MEFV: variants seen among roughly 807,000 people sequenced by gnomAD.
The protein encoded by MEFV is pyrin.
Under a neutral mutation model 62.5 loss-of-function variants are expected in MEFV, and 60 were observed. That is an observed-to-expected ratio of 0.96 (90% CI 0.78 to 1.19). The LOEUF is 1.19. Among genes scored for constraint, MEFV ranks in the 50% most tolerant of loss-of-function variants. MEFV has a pLI of 0.00. For missense variants in MEFV, 1,169 were observed against 1,004.5 expected (o/e 1.16, Z -2.21); for synonymous variants, 500 against 415.2 (o/e 1.20, Z -2.48).
At chr16:3,252,783 C>CAAAAAAAAAAAAAAAAAA (rs376447807) in intron 2 of MEFV, among the ~76,000 whole-genome samples, 1 of 122,476 alleles carries the variant, frequency 8.2e-6, no homozygotes. Flanking sequence ...ACAAAAAATA[C>CAAAAAAAAAAAAAAAAAA]AAAAAAAAAA....
In MEFV at chr16:3,249,468, C is replaced by G; in HGVS notation, c.1223G>C (p.Arg408Pro). ...GGCGACCTCCTCAATGGGGCGCACC[C>G]GGTGGCCTTGGTGCTCCTGACTCAG... ...CSLSQEHQGH[R>P]VRPIEEVALE... The change falls in exon 3 of 10, where the codon CGG becomes CCG. Residue 408 changes from arginine (R) to proline (P), a missense_variant. Physicochemically the swap from Arg to Pro is moderately radical, Grantham distance 103. Transcript: ENST00000219596. 1 of 1,614,056 alleles carries G rather than the reference C, an allele frequency of 6.2e-7. No homozygotes were observed. Among genetic ancestry groups the G allele is most frequent in the Non-Finnish European group, 8.5e-7 (1 of 1,180,026 alleles).
At position 3,254,630 on chromosome 16, in the gene MEFV, C is replaced by T. The variant is rs770111364; in HGVS notation, c.438G>A (p.Gln146=). The change falls in exon 2 of 10, where the codon CAG becomes CAA. Residue 146 remains glutamine (Q), a synonymous_variant. Coordinates refer to ENST00000219596, the MANE Select transcript of MEFV (RefSeq NM_000243.3). Reference sequence around the variant, plus strand: ...TCGACAGCCCCCTCCCGGCCTCGGGCTGGCTGCACCGCAGGCTGGCAGCTC... The same window carrying T: ...TCGACAGCCCCCTCCCGGCCTCGGGTTGGCTGCACCGCAGGCTGGCAGCTC... ...GGGAASLRCS[Q]PEAGRGLSRK... 1.1e-5 allele frequency: 18 copies of T among 1,605,808 alleles called. No individual in the cohort carries two copies. Among genetic ancestry groups the T allele is most frequent in the Non-Finnish European group, 1.3e-5 (15 of 1,177,616 alleles).
rs576560114 is a variant in MEFV at position 3,247,254 on chromosome 16, G to A, written c.1357-8C>T. 4 of 1,613,656 alleles carry A rather than the reference G, an allele frequency of 2.5e-6. No individual in the cohort carries two copies. The African/African-American group carries it at 4.0e-5, about 16-fold the overall frequency. The stretch of plus-strand genomic sequence containing the variant: ...CAGCGCTTCAGTTTGTTTCTGGGGA[G>A]CAGAGGACAGGGAGGTATGGGGGTC... On this transcript the variant is annotated splice_polypyrimidine_tract_variant and splice_region_variant and intron_variant, in intron 4 of 9. Transcript: ENST00000219596.
At chr16:3,252,049 T>C (rs1959041818) in intron 2 of MEFV, 2 of 280,816 alleles carry the variant, frequency 7.1e-6, no homozygotes, top group South Asian at 2.3e-5. Context: ...AGACCCCATA[T>C]CTAAAAAAAA....
chr16:3,256,350 G>T lies in MEFV; in HGVS notation c.238C>A (p.Arg80Ser). Reference sequence around the variant, plus strand: ...CTGTGGAGCTCCTCGGCCAGCAGGCGCTGGTTGATGGCCCGCAGGACCTGC... The same window carrying T: ...CTGTGGAGCTCCTCGGCCAGCAGGCTCTGGTTGATGGCCCGCAGGACCTGC... The part of the protein sequence containing the change: ...TLQVLRAINQ[R>S]LLAEELHRAA... The change falls in exon 1 of 10, where the codon CGC becomes AGC. Residue 80 changes from arginine (R) to serine (S), a missense_variant. Physicochemically the swap from Arg to Ser is moderately radical, Grantham distance 110 (BLOSUM62 -1). Coordinates refer to ENST00000219596, the MANE Select transcript of MEFV (RefSeq NM_000243.3). The T allele has an allele frequency of 1.9e-6, 3 of 1,613,966 alleles. No homozygotes were observed. Among genetic ancestry groups the T allele is most frequent in the Non-Finnish European group, 2.5e-6 (3 of 1,180,028 alleles).
chr16:3,250,206 A>G (rs570312036), intron 2 of MEFV, among the ~76,000 whole-genome samples: 1 of 152,316 alleles, frequency 6.6e-6, no homozygotes, highest in South Asian at 2.1e-4. Context: ...TCCTAGCTGG[A>G]TCCCAGCCCC....
intron 6 of MEFV, among the ~76,000 whole-genome samples, chr16:3,244,939 C>T (rs953328780): frequency 6.6e-6 from 1 of 152,012 alleles, no homozygotes; most frequent in African/African-American, 2.4e-5. Context: ...AAAACACACA[C>T]AACAAAATAT....
chr16:3,243,808 G>C lies in MEFV; in HGVS notation c.1792+52C>G, dbSNP rs11466046. 2,046 of 1,608,800 alleles carry C rather than the reference G, an allele frequency of 1.3e-3. 15 individuals are homozygous for C. The African/African-American group carries it at 0.022, about 17-fold the overall frequency. ...AGTTCTTCTGGAACGTGGTAGGGGA[G>C]AGCACAGGGATCCAGCAGGCCAGGG... On this transcript the variant is annotated intron_variant, in intron 9 of 9. Coordinates refer to ENST00000219596, the MANE Select transcript of MEFV (RefSeq NM_000243.3).
rs754927308 is a variant in MEFV at position 3,244,294 on chromosome 16, G to A, written c.1727-8C>T. 3.7e-6 allele frequency: 6 copies of A among 1,614,086 alleles called. No individual in the cohort carries two copies. On this transcript the variant is annotated splice_region_variant and splice_polypyrimidine_tract_variant and intron_variant, in intron 7 of 9. Transcript: ENST00000219596. ...TTTCTGAACGCAGGGTTTCTAAAATGTGGGAAAGGGAGCAGAGAGAAGCTG... is the reference window on the plus strand; with the variant it reads ...TTTCTGAACGCAGGGTTTCTAAAATATGGGAAAGGGAGCAGAGAGAAGCTG...
At chr16:3,254,879 A>G in intron 1 of MEFV, 89 bp from the exon 2 acceptor site, 1 of 1,593,318 alleles carries the variant, frequency 6.3e-7, no homozygotes, top group Middle Eastern at 1.8e-4. Flanking sequence ...CCCCTTGGAT[A>G]TTAAAGTTTA....
chr16:3,244,633 G>C, intron 6 of MEFV, 45 bp from the exon 7 acceptor site: 1 of 1,433,874 alleles, frequency 7.0e-7, no homozygotes, highest in Non-Finnish European at 9.8e-7. Flanking sequence ...GAGCGAGGGG[G>C]TGGCCCAAGT....
chr16:3,247,145 G>C lies in MEFV; in HGVS notation c.1458C>G (p.Asp486Glu), dbSNP rs147767925. The C allele has an allele frequency of 6.2e-7, 1 of 1,614,164 alleles. No homozygotes were observed. The highest frequency in any genetic ancestry group is 1.1e-5 in the South Asian group (1 of 91,088). ...TGATCTGCCCAACCATCTGGCCCACGTCCTCCAGTGAGGCCACAAAGAAAT... is the reference window on the plus strand; with the variant it reads ...TGATCTGCCCAACCATCTGGCCCACCTCCTCCAGTGAGGCCACAAAGAAAT... ...QEHFFVASLE[D>E]VGQMVGQIRK... Residue 486 changes from aspartate (D) to glutamate (E), a missense_variant, in exon 5 of 10, where the codon GAC becomes GAG. Physicochemically the swap from Asp to Glu is conservative, Grantham distance 45. Transcript: ENST00000219596.
In MEFV at chr16:3,243,629, C is replaced by G; in HGVS notation, c.1858G>C (p.Val620Leu). 1 of 1,599,840 alleles carries G rather than the reference C, an allele frequency of 6.3e-7. No homozygotes were observed. The highest frequency in any genetic ancestry group is 1.1e-5 in the South Asian group (1 of 89,064). ...NLIFSDDLKS[V>L]RLGNKWERLP... ...CTCTCCCACTTGTTTCCAAGTCTAACACTCTTCAGATCATCAGAGAAGATG... is the reference window on the plus strand; with the variant it reads ...CTCTCCCACTTGTTTCCAAGTCTAAGACTCTTCAGATCATCAGAGAAGATG... The change falls in exon 10 of 10, where the codon GTT becomes CTT. Residue 620 changes from valine (V) to leucine (L), a missense_variant. By Grantham distance (32) the Val-to-Leu change is conservative (BLOSUM62 1). Transcript: ENST00000219596.
chr16:3,250,243 A>T lies in MEFV; in HGVS notation c.911-463T>A, dbSNP rs567145972. 1.4e-4 allele frequency among the ~76,000 whole-genome samples: 21 copies of T among 152,352 alleles called. No homozygotes were observed. In the East Asian group the frequency reaches 3.9e-3, roughly 28 times the overall value. ...AGCAGAGTACCTGGCAAATGCAAGCATTTGGAAAATGAGTATTGAATGAAG... is the reference window on the plus strand; with the variant it reads ...AGCAGAGTACCTGGCAAATGCAAGCTTTTGGAAAATGAGTATTGAATGAAG... On this transcript the variant is annotated intron_variant, in intron 2 of 9. Coordinates refer to ENST00000219596, the MANE Select transcript of MEFV (RefSeq NM_000243.3).
At chr16:3,247,536 G>T (rs1478907981) in intron 4 of MEFV, 11 of 413,832 alleles carry the variant, frequency 2.7e-5, no homozygotes, top group Non-Finnish European at 4.6e-5. Flanking sequence ...CTCAGCATGT[G>T]ATCTTATTTG....
intron 4 of MEFV, chr16:3,247,505 T>C (rs995840678): frequency 7.7e-5 from 41 of 531,634 alleles, no homozygotes; most frequent in Middle Eastern, 5.1e-4. Context: ...AATTTACACG[T>C]TGAAGCCCTA....
At chr16:3,249,109 T>C (rs1481183598) in intron 3 of MEFV, 105 bp from the exon 4 acceptor site, 1 of 1,178,054 alleles carries the variant, frequency 8.5e-7, no homozygotes, top group African/African-American at 1.5e-5. Flanking sequence ...AGGCTGAGGG[T>C]GCTGCTGCCA....
rs2141669220 is a variant in MEFV at position 3,247,208 on chromosome 16, C to T, written c.1395G>A (p.Lys465=). Residue 465 remains lysine (K), a synonymous_variant, in exon 5 of 10, where the codon AAG becomes AAA. Coordinates refer to ENST00000219596, the MANE Select transcript of MEFV (RefSeq NM_000243.3). ...CCAGGAAGTAGTACACCTGCTCCAG[C>T]TTCCTCTGCACCCGCTGCTTCAGCG... ...TEALKQRVQR[K]LEQVYYFLEQ... 1 of 1,614,180 alleles carries T rather than the reference C, an allele frequency of 6.2e-7. No homozygotes were observed.
At chr16:3,244,680 G>A (rs1958912858) in intron 6 of MEFV, 92 bp from the exon 7 acceptor site, 2 of 898,914 alleles carry the variant, frequency 2.2e-6, no homozygotes, top group Non-Finnish European at 3.7e-6. Context: ...TCTCCACAGG[G>A]CACACCTAGC....
Sources: allele counts gnomAD v4.1 joint callset (sites outside exome capture counted in the v4.1 genomes callset), GRCh38; gene constraint gnomAD v4.1.1; transcripts MANE v1.5; gene names NCBI Gene and HGNC (gene_info 2026-07-23, HGNC 2026-07-21).